The following LMF1 variants were observed in gnomAD, a reference collection of about 807,000 sequenced individuals.
LMF1 encodes transmembrane protein 112.
In LMF1, 68 loss-of-function variants were observed where a neutral mutation model predicts 60.6. The observed-to-expected ratio is 1.12, with a 90% CI of 0.92 to 1.37. The LOEUF (loss-of-function observed/expected upper bound fraction) is 1.37. Ranked by LOEUF, LMF1 falls within the 40% of genes most tolerant of loss-of-function variation. LMF1 has a pLI of 0.00. For missense variants in LMF1, 948 were observed against 767.2 expected (o/e 1.24, Z -2.78); for synonymous variants, 418 against 324.7 (o/e 1.29, Z -3.09).
Position 853,885 on chromosome 16 carries a change from A to T in LMF1, c.*647T>A. On this transcript the variant is annotated 3_prime_UTR_variant, in exon 11 of 11. Coordinates refer to ENST00000262301, the MANE Select transcript of LMF1 (RefSeq NM_022773.4). ...CCTCACAGACACCAGTCATGGGGGG[A>T]TGAAACCGGGCCAAGAACACATGTG... 1 of 453,900 alleles carries T rather than the reference A, an allele frequency of 2.2e-6. No individual in the cohort carries two copies. Among genetic ancestry groups the T allele is most frequent in the Non-Finnish European group, 4.4e-6 (1 of 226,734 alleles). 28.1% of individuals were successfully genotyped at this position (453,900 alleles called of 1,614,324 possible).
intron 1 of LMF1, among the ~76,000 whole-genome samples, chr16:957,590 A>G (rs186815606): frequency 2.0e-5 from 3 of 151,926 alleles, no homozygotes; most frequent in Admixed American, 1.3e-4. Flanking sequence ...CTGATTCTAG[A>G]ATATACATGG....
intron 4 of LMF1, among the ~76,000 whole-genome samples, chr16:896,649 T>C (rs1483577915): frequency 6.6e-6 from 1 of 152,138 alleles, no homozygotes; most frequent in East Asian, 1.9e-4. Context: ...CTGCTTCTGA[T>C]GAAATGCACG....
At chr16:981,216 T>C (rs542618764) in exon 1 of LMF1, 39 of 454,476 alleles carry the variant, frequency 8.6e-5, no homozygotes, top group Admixed American at 7.3e-4. Flanking sequence ...GACCCTGTCC[T>C]GGACCGCAGG....
chr16:869,082 C>T (rs200033982), intron 9 of LMF1, 26 bp from the exon 10 acceptor site: 33 of 1,473,486 alleles, frequency 2.2e-5, no homozygotes, highest in African/African-American at 1.8e-4. Context: ...GGGCTGGAGA[C>T]GGCTGTGCCA....
intron 5 of LMF1, among the ~76,000 whole-genome samples, chr16:881,845 G>A (rs1196982713): frequency 6.6e-6 from 1 of 152,242 alleles, no homozygotes; most frequent in Non-Finnish European, 1.5e-5. Context: ...CTTTTGGGGT[G>A]GGGGACTTTA....
At chr16:880,864 A>G (rs1210208709) in intron 5 of LMF1, among the ~76,000 whole-genome samples, 1 of 152,352 alleles carries the variant, frequency 6.6e-6, no homozygotes, top group East Asian at 1.9e-4. Flanking sequence ...CCCTAGATGG[A>G]CGATGCTGCA....
At chr16:967,516 C>T (rs1232387218) in intron 1 of LMF1, among the ~76,000 whole-genome samples, 30 of 152,188 alleles carry the variant, frequency 2.0e-4, no homozygotes, top group Non-Finnish European at 8.8e-5. Flanking sequence ...CGGCACTGCC[C>T]CTACACACCA....
rs375775799 is a variant in LMF1, at chr16:854,543, C to T, written c.1693G>A (p.Gly565Arg). The change falls in exon 11 of 11, where the codon GGG becomes AGG. Residue 565 changes from glycine to arginine, a missense_variant. Coordinates refer to ENST00000262301, the MANE Select transcript of LMF1 (RefSeq NM_022773.4). ...YFRDRGWPLP[G>R]PL ...TTTCTGGTGCACGTCTAGAGGGGCC[C>T]GGGCAGAGGCCACCCACGGTCCCTG... is the stretch of plus-strand genomic sequence containing the variant. The T allele has an allele frequency of 1.4e-5, 22 of 1,607,496 alleles. No individual in the cohort carries two copies. The highest frequency in any genetic ancestry group is 1.3e-4 in the African/African-American group (10 of 74,996).
At position 922,566 on chromosome 16, in the gene LMF1, G is replaced by A. The variant is rs1442601738; in HGVS notation, c.515-11487C>T. Among the ~76,000 whole-genome samples the A allele has an allele frequency of 3.3e-5, 5 of 150,288 alleles. 1 individual carries two copies. The highest frequency in any genetic ancestry group is 1.2e-4 in the African/African-American group (5 of 41,006). ...GATGTGGTGTTGGTGTCGTGTTGTT[G>A]CGAAGGCCCTGTCTGAAAGTCGCCT... On this transcript the variant is annotated intron_variant, in intron 3 of 10. Coordinates refer to ENST00000262301, the MANE Select transcript of LMF1 (RefSeq NM_022773.4).
chr16:868,803 A>G, intron 10 of LMF1, 141 bp downstream of exon 10: 1 of 534,798 alleles, frequency 1.9e-6, no homozygotes, highest in Non-Finnish European at 3.4e-6. Flanking sequence ...TTTTGCTCCC[A>G]GCAGGCCCCA....
chr16:946,225 C>T (rs1309788903), intron 2 of LMF1, among the ~76,000 whole-genome samples: 1 of 152,230 alleles, frequency 6.6e-6, no homozygotes, highest in Non-Finnish European at 1.5e-5. Context: ...CAAGGTGCGG[C>T]GTCTGCCAGC....
intron 2 of LMF1, among the ~76,000 whole-genome samples, chr16:953,966 C>T (rs79615972): frequency 0.063 from 619 of 9,872 alleles, 78 homozygotes; most frequent in African/African-American, 0.078. Flanking sequence ...CCAAACCAGC[C>T]TCCTACATGT....
rs973797495 is a variant in LMF1 at position 871,151 on chromosome 16, A to G, written c.1078+10T>C. 6.4e-7 allele frequency: 1 copy of G among 1,570,642 alleles called. No individual in the cohort carries two copies. Among genetic ancestry groups the G allele is most frequent in the Non-Finnish European group, 8.6e-7 (1 of 1,158,332 alleles). On this transcript the variant is annotated intron_variant, in intron 7 of 10. Transcript: ENST00000262301. ...GCCCTTGGGCAGGGGCCCCCAGCTGAGCCACCTACCGAATCTGGGCTCGGG... is the reference window on the plus strand; with the variant it reads ...GCCCTTGGGCAGGGGCCCCCAGCTGGGCCACCTACCGAATCTGGGCTCGGG...
At chr16:857,332 T>A (rs962231156) in intron 10 of LMF1, among the ~76,000 whole-genome samples, 1 of 152,272 alleles carries the variant, frequency 6.6e-6, no homozygotes, top group Admixed American at 6.5e-5. Context: ...GGAGCCATTT[T>A]ACCCTCCCAG....
chr16:893,257 C>G (rs1371675411), intron 4 of LMF1, 185 bp from the exon 5 acceptor site: 2 of 685,384 alleles, frequency 2.9e-6, no homozygotes, highest in East Asian at 5.6e-5. Flanking sequence ...AGGGCAGATT[C>G]AGGGCTGCTT....
intron 2 of LMF1, among the ~76,000 whole-genome samples, chr16:952,843 CCA>C (rs2072517307): frequency 7.2e-6 from 1 of 139,704 alleles, no homozygotes; most frequent in Non-Finnish European, 1.5e-5. Context: ...TCCTACACGT[CCA>C]CACAGACACC....
intron 10 of LMF1, among the ~76,000 whole-genome samples, chr16:860,427 C>A (rs536406109): frequency 2.6e-5 from 4 of 151,142 alleles, no homozygotes; most frequent in South Asian, 4.2e-4. Context: ...GCAACCTCTG[C>A]CTCCCAGGCT....
chr16:954,675 A>G lies in LMF1; in HGVS notation c.194-9T>C. On this transcript the variant is annotated splice_polypyrimidine_tract_variant and intron_variant, in intron 1 of 10. Coordinates refer to ENST00000262301, the MANE Select transcript of LMF1 (RefSeq NM_022773.4). ...CACCAGGAATGCCACGACTGGAAGA[A>G]AAAGAAGACAAAACAAGCATGACTA... The G allele has an allele frequency of 6.3e-7, 1 of 1,576,644 alleles. No individual in the cohort carries two copies. Among genetic ancestry groups the G allele is most frequent in the Non-Finnish European group, 8.6e-7 (1 of 1,161,322 alleles).
At chr16:955,546 ACACGCAC>A (rs2072678238) in intron 1 of LMF1, among the ~76,000 whole-genome samples, 77 of 86,792 alleles carry the variant, frequency 8.9e-4, no homozygotes, top group African/African-American at 4.5e-3. Context: ...GTGTGTGCAT[ACACGCAC>A]ACACATCTAA....
Sources: gnomAD v4.1 joint callset for allele counts (sites outside exome capture counted in the v4.1 genomes callset) on GRCh38, gnomAD v4.1.1 for gene constraint, MANE v1.5 for transcripts, NCBI Gene and HGNC (gene_info 2026-07-23, HGNC 2026-07-21) for gene names.